Variants in RBFOX2 observed in about 807,000 individuals in gnomAD.
RBFOX2 encodes RNA binding fox-1 homolog 2, also known as RNA binding protein fox-1 homolog 2.
Under a neutral mutation model 49.1 loss-of-function variants are expected in RBFOX2, and 10 were observed. The observed-to-expected ratio is 0.20, with a 90% CI of 0.13 to 0.35. The LOEUF (loss-of-function observed/expected upper bound fraction) is 0.35, where lower values mean the gene tolerates loss of function less well. Ranked by LOEUF, RBFOX2 falls within the 10% of genes least tolerant of loss-of-function variation. RBFOX2 has a pLI of 1.00. For missense variants in RBFOX2, 323 were observed against 486.9 expected, an observed-to-expected ratio of 0.66 and a Z score of 3.17; for synonymous variants, 183 against 187.4, an observed-to-expected ratio of 0.98 and a Z score of 0.19.
chr22:35,777,506 A>G (rs1348754179), intron 4 of RBFOX2: 5 of 154,492 alleles, frequency 3.2e-5, no homozygotes, highest in African/African-American at 9.6e-5. Flanking sequence ...AAATCAGTTC[A>G]TACTGAATTC....
intron 1 of RBFOX2, among the ~76,000 whole-genome samples, chr22:35,930,125 G>A (rs1357537949): frequency 1.3e-5 from 2 of 149,708 alleles, no homozygotes; most frequent in African/African-American, 5.0e-5. Flanking sequence ...GGGTTCAAGC[G>A]ATTCTCGTGC....
intron 1 of RBFOX2, among the ~76,000 whole-genome samples, chr22:35,868,256 T>C (rs2043921164): frequency 6.6e-6 from 1 of 152,126 alleles, no homozygotes; most frequent in Non-Finnish European, 1.5e-5. Context: ...AAAAACCAGT[T>C]TTTATATTAC....
At chr22:35,783,279 C>A (rs1602681602) in intron 2 of RBFOX2, among the ~76,000 whole-genome samples, 1 of 152,328 alleles carries the variant, frequency 6.6e-6, no homozygotes, top group East Asian at 1.9e-4. Flanking sequence ...AGTCGGAGCA[C>A]CTGGACTCAG....
chr22:36,000,617 G>A (rs931016757), intron 1 of RBFOX2: 1 of 152,080 alleles, frequency 6.6e-6, no homozygotes, highest in East Asian at 1.9e-4. Flanking sequence ...AGAGACGAAG[G>A]GTGGGAAGGT....
At chr22:35,983,885 CG>C in intron 1 of RBFOX2, among the ~76,000 whole-genome samples, 1 of 152,172 alleles carries the variant, frequency 6.6e-6, no homozygotes, top group Non-Finnish European at 1.5e-5. Flanking sequence ...TCCTCCTCAA[CG>C]ACCAGGCACA....
intron 1 of RBFOX2, among the ~76,000 whole-genome samples, chr22:35,984,062 C>T (rs1375355378): frequency 2.0e-5 from 3 of 151,976 alleles, no homozygotes; most frequent in South Asian, 2.1e-4. Context: ...AATGACTGAC[C>T]TCTTGGGGAT....
At chr22:35,874,250 AG>A (rs2044729739) in intron 1 of RBFOX2, among the ~76,000 whole-genome samples, 1 of 152,236 alleles carries the variant, frequency 6.6e-6, no homozygotes, top group South Asian at 2.1e-4. Flanking sequence ...AACAAAGGTA[AG>A]GCATGTACAA....
intron 1 of RBFOX2, among the ~76,000 whole-genome samples, chr22:35,852,843 A>G (rs955978754): frequency 2.6e-5 from 4 of 152,244 alleles, no homozygotes; most frequent in African/African-American, 9.7e-5. Flanking sequence ...TGTATTTAAG[A>G]TGAAAGACTG....
intron 1 of RBFOX2, among the ~76,000 whole-genome samples, chr22:35,863,680 C>T (rs911721757): frequency 1.4e-4 from 21 of 152,282 alleles, no homozygotes; most frequent in African/African-American, 3.6e-4. Flanking sequence ...CCTGTAATCT[C>T]TTCTGACTTT....
rs1556297679 is a variant in RBFOX2, at chr22:35,878,039, T to TACTACAC, written c.-34+60807_-34+60808insGTGTAGT. Among the ~76,000 whole-genome samples, 36 of 141,252 alleles carry TACTACAC rather than the reference T, an allele frequency of 2.5e-4. No homozygotes were observed. The East Asian group carries it at 3.4e-3, about 13-fold the overall frequency. The allele number at this position is 141,252 out of a possible 152,430, so 92.7% of individuals were successfully genotyped here. A position where few individuals can be genotyped will look rare whatever the true frequency, so the allele number is the denominator to read the frequency against. ...ATATACATACTACTACTACTACTAC[T>TACTACAC]ACACACACACACACACACACACACA... On this transcript the variant is annotated intron_variant, in intron 1 of 13. Coordinates refer to the RBFOX2 transcript ENST00000359369.
At chr22:35,767,116 G>A (rs1941224296) in intron 5 of RBFOX2, among the ~76,000 whole-genome samples, 1 of 151,758 alleles carries the variant, frequency 6.6e-6, no homozygotes, top group Non-Finnish European at 1.5e-5. Flanking sequence ...TGTGCAAGGG[G>A]AAAAAAATCA....
intron 1 of RBFOX2, among the ~76,000 whole-genome samples, chr22:35,863,454 G>A (rs2043323949): frequency 6.6e-6 from 1 of 152,104 alleles, no homozygotes; most frequent in Admixed American, 6.5e-5. Flanking sequence ...AAAATAAAAA[G>A]CTAATCCAAA....
intron 1 of RBFOX2, among the ~76,000 whole-genome samples, chr22:35,974,111 C>G (rs1353448351): frequency 6.6e-6 from 1 of 152,284 alleles, no homozygotes. Flanking sequence ...GGCAGCTCGG[C>G]TGACTCCCAA....
chr22:35,748,278 G>A (rs766641900), intron 9 of RBFOX2: 1 of 151,934 alleles, frequency 6.6e-6, no homozygotes, highest in Non-Finnish European at 1.5e-5. Context: ...TCTTAATTAC[G>A]AATTCTTCCA....
chr22:35,849,298 A>AACAC (rs61515031), intron 1 of RBFOX2, among the ~76,000 whole-genome samples: 7,552 of 133,260 alleles, frequency 0.057, 215 homozygotes, highest in Admixed American at 0.12. Context: ...TACACACACA[A>AACAC]ACACACACAC....
chr22:35,803,454 C>G lies in RBFOX2; in HGVS notation c.252+6326G>C, dbSNP rs553896046. On this transcript the variant is annotated intron_variant, in intron 2 of 11. Coordinates refer to ENST00000405409, the Ensembl canonical transcript of RBFOX2. ...ATGTTAGGCAGCTGAGGCGAGAGAA[C>G]TCCTTGAGCCCAGGAGTTCAAGACT... 4.6e-5 allele frequency among the ~76,000 whole-genome samples: 7 copies of G among 152,180 alleles called. No individual in the cohort carries two copies. In the South Asian group the frequency reaches 1.5e-3, roughly 32 times the overall value.
At chr22:35,907,710 T>A (rs2049285185) in intron 1 of RBFOX2, among the ~76,000 whole-genome samples, 1 of 152,074 alleles carries the variant, frequency 6.6e-6, no homozygotes, top group Non-Finnish European at 1.5e-5. Context: ...TGCAGTGGCG[T>A]GACTCCAGCT....
chr22:35,875,820 T>G (rs1174606188), intron 1 of RBFOX2, among the ~76,000 whole-genome samples: 2 of 152,220 alleles, frequency 1.3e-5, no homozygotes, highest in African/African-American at 4.8e-5. Flanking sequence ...TTACATTTTA[T>G]TGGGAAAACA....
chr22:35,844,035 C>G (rs116842451), upstream of RBFOX2, among the ~76,000 whole-genome samples: 1 of 152,282 alleles, frequency 6.6e-6, no homozygotes, highest in East Asian at 1.9e-4. Flanking sequence ...CACCATGTTT[C>G]TATTCTTTTT....
Sources: gnomAD v4.1 joint callset for allele counts (sites outside exome capture counted in the v4.1 genomes callset) on GRCh38, gnomAD v4.1.1 for gene constraint, MANE v1.5 for transcripts, NCBI Gene and HGNC (gene_info 2026-07-23, HGNC 2026-07-21) for gene names.